PRDM16: variants seen among roughly 807,000 people sequenced by gnomAD.
PRDM16 encodes the protein histone-lysine N-methyltransferase PRDM16.
A neutral mutation model predicts 110.6 loss-of-function variants in PRDM16; 23 were observed. The observed-to-expected ratio is 0.21, with a 90% CI of 0.15 to 0.29. The LOEUF (loss-of-function observed/expected upper bound fraction) is 0.29. PRDM16 is among the 10% of genes least tolerant of loss of function. The probability of loss-of-function intolerance (pLI) is 1.00; values close to 1 mark genes in which losing one functional copy is unlikely to be tolerated. For missense variants in PRDM16, 1,615 were observed against 1,794.3 expected (o/e 0.90, Z 1.81); for synonymous variants, 799 against 781.8 (o/e 1.02, Z -0.37).
intron 1 of PRDM16, among the ~76,000 whole-genome samples, chr1:3,086,259 C>T (rs1053168710): frequency 6.6e-6 from 1 of 152,094 alleles, no homozygotes; most frequent in Non-Finnish European, 1.5e-5. Context: ...ACAGCCAGGG[C>T]GGCTGAGCCT....
intron 14 of PRDM16, among the ~76,000 whole-genome samples, chr1:3,428,603 G>T (rs1638684372): frequency 6.6e-6 from 1 of 152,210 alleles, no homozygotes; most frequent in Non-Finnish European, 1.5e-5. Flanking sequence ...ACAGGGCAAG[G>T]TGGACATAGG....
At chr1:3,073,226 C>A (rs963458310) in intron 1 of PRDM16, among the ~76,000 whole-genome samples, 1 of 152,224 alleles carries the variant, frequency 6.6e-6, no homozygotes, top group African/African-American at 2.4e-5. Context: ...CTCCCCCCAC[C>A]GGGCCCCTCA....
At chr1:3,380,208 G>A (rs79358574) in intron 3 of PRDM16, among the ~76,000 whole-genome samples, 8,888 of 151,376 alleles carry the variant, frequency 0.059, 336 homozygotes, top group Middle Eastern at 0.1. Flanking sequence ...CTCAGACCAG[G>A]GCTTCTCCTG....
Position 3,209,073 on chromosome 1 carries a change from A to C in PRDM16, c.387+22599A>C, listed in dbSNP as rs1479101247. On this transcript the variant is annotated intron_variant, in intron 2 of 16. Coordinates refer to ENST00000270722, the MANE Select transcript of PRDM16 (RefSeq NM_022114.4). The surrounding 1 kb of genome is among the most constrained non-coding windows in gnomAD (Gnocchi z 4.6). Reference sequence around the variant, plus strand: ...CAGAGAGCAGTGGGAATTCAGAAGGAGCTCAGAAGGGAATGCCCTGTGCCA... The same window carrying C: ...CAGAGAGCAGTGGGAATTCAGAAGGCGCTCAGAAGGGAATGCCCTGTGCCA... Among the ~76,000 whole-genome samples the C allele has an allele frequency of 6.6e-6, 1 of 152,190 alleles. No homozygotes were observed. Among genetic ancestry groups the C allele is most frequent in the East Asian group, 1.9e-4 (1 of 5,186 alleles).
intron 2 of PRDM16, among the ~76,000 whole-genome samples, chr1:3,233,144 C>T (rs368730369): frequency 2.8e-4 from 43 of 152,316 alleles, no homozygotes; most frequent in Middle Eastern, 3.4e-3. Flanking sequence ...CAGAGCCCAC[C>T]GGGCTGCCCT....
At chr1:3,293,600 C>T (rs986477434) in intron 3 of PRDM16, among the ~76,000 whole-genome samples, 6 of 152,182 alleles carry the variant, frequency 3.9e-5, no homozygotes, top group Admixed American at 6.5e-5. Context: ...GGCCAGGAAC[C>T]GATGATCAGA....
chr1:3,282,256 G>T (rs894835290), intron 3 of PRDM16, among the ~76,000 whole-genome samples: 1 of 152,226 alleles, frequency 6.6e-6, no homozygotes. Flanking sequence ...GAGGTCAGCA[G>T]GTGCCGGGCA....
At chr1:3,116,373 G>A (rs1642960065) in intron 1 of PRDM16, among the ~76,000 whole-genome samples, 3 of 152,148 alleles carry the variant, frequency 2.0e-5, no homozygotes, top group Non-Finnish European at 4.4e-5. Flanking sequence ...ATGACGGGGG[G>A]GACGCGGGTT....
At chr1:3,112,800 A>G (rs980741017) in intron 1 of PRDM16, among the ~76,000 whole-genome samples, 1 of 152,158 alleles carries the variant, frequency 6.6e-6, no homozygotes, top group African/African-American at 2.4e-5. Flanking sequence ...GCACTCCCCT[A>G]ATTGGAGTCG....
At chr1:3,228,609 G>A (rs1384348142) in intron 2 of PRDM16, among the ~76,000 whole-genome samples, 2 of 152,146 alleles carry the variant, frequency 1.3e-5, no homozygotes, top group East Asian at 1.9e-4. Context: ...CCACTGCCTC[G>A]ACAACGTTGC....
At chr1:3,277,107 C>T (rs1640603456) in intron 3 of PRDM16, among the ~76,000 whole-genome samples, 1 of 152,220 alleles carries the variant, frequency 6.6e-6, no homozygotes, top group Non-Finnish European at 1.5e-5. Context: ...CCATTCGTCA[C>T]CTGCTGCCTG....
intron 1 of PRDM16, among the ~76,000 whole-genome samples, chr1:3,181,564 A>AGT: frequency 8.8e-6 from 1 of 113,244 alleles, no homozygotes; most frequent in Non-Finnish European, 1.9e-5. Context: ...AGTCTTACAC[A>AGT]CGCAGTCTTA....
chr1:3,074,174 G>A (rs982904578), intron 1 of PRDM16, among the ~76,000 whole-genome samples: 1 of 152,212 alleles, frequency 6.6e-6, no homozygotes, highest in African/African-American at 2.4e-5. Flanking sequence ...GTGCACTTGG[G>A]GGACAGGACA....
intron 3 of PRDM16, among the ~76,000 whole-genome samples, chr1:3,251,107 C>T (rs1639919241): frequency 6.6e-6 from 1 of 152,220 alleles, no homozygotes; most frequent in Non-Finnish European, 1.5e-5. Flanking sequence ...GCCTTAACCC[C>T]AAGTTAAACA....
chr1:3,253,693 G>C (rs982794102), intron 3 of PRDM16, among the ~76,000 whole-genome samples: 4 of 152,152 alleles, frequency 2.6e-5, no homozygotes, highest in African/African-American at 4.8e-5. Flanking sequence ...CTTTATGGTA[G>C]CATGATTTAT....
rs1639802565 is a variant in PRDM16, at chr1:3,246,907, T to C, written c.438+2770T>C. Among the ~76,000 whole-genome samples the C allele has an allele frequency of 6.6e-6, 1 of 152,060 alleles. No individual in the cohort carries two copies. Among genetic ancestry groups the C allele is most frequent in the South Asian group, 2.1e-4 (1 of 4,818 alleles). The stretch of plus-strand genomic sequence containing the variant: ...CCAGGAAGACCAGGACAGACAGCCC[T>C]CGAGTGGGCGTCAGTCCAGACGGAG... On this transcript the variant is annotated intron_variant, in intron 3 of 16. Coordinates refer to ENST00000270722, the MANE Select transcript of PRDM16 (RefSeq NM_022114.4). This position sits in a 1 kb window ranked among gnomAD's most constrained non-coding sequence, Gnocchi z 5.2.
intron 1 of PRDM16, among the ~76,000 whole-genome samples, chr1:3,099,120 A>G (rs1270856062): frequency 6.6e-6 from 1 of 152,192 alleles, no homozygotes; most frequent in Non-Finnish European, 1.5e-5. Context: ...GTCGCCTGCA[A>G]TGAGGGTTCT....
intron 1 of PRDM16, among the ~76,000 whole-genome samples, chr1:3,184,765 C>A (rs1200098532): frequency 6.6e-6 from 1 of 152,206 alleles, no homozygotes. Context: ...TCTCTGGGGG[C>A]CTGTGCTGGA....
intron 1 of PRDM16, among the ~76,000 whole-genome samples, chr1:3,162,362 G>T (rs1198231703): frequency 2.6e-5 from 4 of 152,182 alleles, no homozygotes; most frequent in African/African-American, 9.6e-5. Context: ...CAGCCGCGAA[G>T]CCTCGGTTCC....
Sources: gnomAD v4.1 joint callset for allele counts (sites outside exome capture counted in the v4.1 genomes callset) on GRCh38, gnomAD v4.1.1 for gene constraint, Gnocchi (gnomAD v3.1) non-coding constraint, MANE v1.5 for transcripts, NCBI Gene and HGNC (gene_info 2026-07-23, HGNC 2026-07-21) for gene names.